The following OR7C1 variants were observed in gnomAD, a reference collection of about 807,000 sequenced individuals.
The protein encoded by OR7C1 is olfactory receptor 7C1.
For synonymous variants in OR7C1, 152 were observed against 160.7 expected (o/e 0.95, Z 0.41); for missense variants, 324 against 383.3 (o/e 0.85, Z 1.29).
chr19:14,832,402 C>T lies in OR7C1; in HGVS notation c.-623+2672G>A, dbSNP rs1274388859. Among the ~76,000 whole-genome samples, 21 of 138,750 alleles carry T rather than the reference C, an allele frequency of 1.5e-4. 1 individual carries two copies. The highest frequency in any genetic ancestry group is 4.4e-4 in the African/African-American group (17 of 38,822). 91.0% of individuals were successfully genotyped at this position (138,750 alleles called of 152,430 possible). The stretch of plus-strand genomic sequence containing the variant: ...CCTTCCCTCCCTCCCTCCCTTCCTT[C>T]CTTCTCTCTCTCTTTCTTTCTTTTT... On this transcript the variant is annotated intron_variant, in intron 1 of 4. Transcript: ENST00000641666.
At chr19:14,826,693 T>C (rs2044771028) in intron 1 of OR7C1, 1 of 152,246 alleles carries the variant, frequency 6.6e-6, no homozygotes, top group Non-Finnish European at 1.5e-5. Context: ...GGCATTGCAC[T>C]CGGAACATAT....
intron 1 of OR7C1, among the ~76,000 whole-genome samples, chr19:14,832,903 CAT>C (rs1260688987): frequency 6.6e-6 from 1 of 152,082 alleles, no homozygotes; most frequent in Admixed American, 6.6e-5. Context: ...ATCATATCAA[CAT>C]AAATTAATAA....
At chr19:14,833,889 C>T (rs995677059) in intron 1 of OR7C1, among the ~76,000 whole-genome samples, 2 of 152,112 alleles carry the variant, frequency 1.3e-5, no homozygotes, top group Non-Finnish European at 2.9e-5. Flanking sequence ...AGATGGCAAA[C>T]GGGTACTCTA....
intron 1 of OR7C1, among the ~76,000 whole-genome samples, chr19:14,817,868 A>G (rs2044722703): frequency 6.6e-6 from 1 of 152,100 alleles, no homozygotes; most frequent in Admixed American, 6.6e-5. Context: ...ATAGTCAAGG[A>G]GTTTTGCAGG....
chr19:14,823,189 A>C (rs1184469377), intron 1 of OR7C1, among the ~76,000 whole-genome samples: 5 of 152,180 alleles, frequency 3.3e-5, no homozygotes. Flanking sequence ...GCAGTGGTTC[A>C]TGCCTGTAAT....
intron 2 of OR7C1, among the ~76,000 whole-genome samples, chr19:14,808,632 T>A: frequency 1.8e-5 from 1 of 56,250 alleles, no homozygotes; most frequent in South Asian, 5.7e-4. Flanking sequence ...AGTGGGAGGG[T>A]GGGAGGGATG....
intron 2 of OR7C1, among the ~76,000 whole-genome samples, chr19:14,803,974 G>T (rs879299846): frequency 5.3e-5 from 8 of 152,074 alleles, no homozygotes; most frequent in African/African-American, 1.4e-4. Flanking sequence ...CTCCGAAAGT[G>T]CTGGGATTAC....
In OR7C1 at chr19:14,827,175, T is replaced by C. The variant is rs115261720; in HGVS notation, c.-623+7899A>G. The C allele has an allele frequency of 3.9e-3, 4,629 of 1,189,932 alleles. 145 individuals carry two copies. The African/African-American group carries it at 0.063, about 16-fold the overall frequency. The allele number at this position is 1,189,932 out of a possible 1,614,324, so 73.7% of individuals were successfully genotyped here. A position where few individuals can be genotyped will look rare whatever the true frequency, so the allele number is the denominator to read the frequency against. ...CAAGACCAGTTGAAATCACAACAAA[T>C]TGAAACTCCCAGAAATATAATAAGT... On this transcript the variant is annotated intron_variant, in intron 1 of 4. Coordinates refer to ENST00000641666, the Ensembl canonical transcript of OR7C1.
intron 2 of OR7C1, among the ~76,000 whole-genome samples, chr19:14,805,285 T>G (rs2044660888): frequency 6.6e-6 from 1 of 151,724 alleles, no homozygotes; most frequent in Non-Finnish European, 1.5e-5. Flanking sequence ...GGGAATGAGA[T>G]GCACATTGAT....
intron 1 of OR7C1, among the ~76,000 whole-genome samples, chr19:14,813,626 G>A (rs1331944483): frequency 6.6e-6 from 1 of 152,084 alleles, no homozygotes; most frequent in Non-Finnish European, 1.5e-5. Flanking sequence ...AGGTCCTTAT[G>A]ACTGGGGAGG....
intron 2 of OR7C1, among the ~76,000 whole-genome samples, 173 bp downstream of exon 2, chr19:14,809,633 G>T (rs1279168485): frequency 6.6e-6 from 1 of 151,948 alleles, no homozygotes; most frequent in East Asian, 1.9e-4. Context: ...GAGATTGGAA[G>T]CAAGAACAGA....
chr19:14,806,414 C>T (rs1268815912), intron 2 of OR7C1, among the ~76,000 whole-genome samples: 1 of 151,950 alleles, frequency 6.6e-6, no homozygotes, highest in Non-Finnish European at 1.5e-5. Flanking sequence ...GATACATGTA[C>T]AGGACATGCA....
intron 2 of OR7C1, among the ~76,000 whole-genome samples, chr19:14,808,044 TA>T (rs925956725): frequency 6.7e-6 from 1 of 150,068 alleles, no homozygotes; most frequent in Non-Finnish European, 1.5e-5. Flanking sequence ...AAATGCAAAT[TA>T]AAACCACGAT....
intron 1 of OR7C1, among the ~76,000 whole-genome samples, chr19:14,822,213 A>G (rs1568252045): frequency 6.6e-6 from 1 of 152,076 alleles, no homozygotes; most frequent in Non-Finnish European, 1.5e-5. Flanking sequence ...TCCTTTGGCT[A>G]TATATGCAGT....
exon 1 of OR7C1, chr19:14,835,166 A>G (rs2044872557): frequency 6.6e-6 from 1 of 152,244 alleles, no homozygotes; most frequent in South Asian, 2.1e-4. Context: ...TGCTCAGCAG[A>G]CTAGGCAGCA....
chr19:14,807,203 G>A (rs2044669778), intron 2 of OR7C1, among the ~76,000 whole-genome samples: 1 of 151,916 alleles, frequency 6.6e-6, no homozygotes, highest in South Asian at 2.1e-4. Context: ...GTCTGTTCAT[G>A]TAGGGATGGC....
intron 1 of OR7C1, among the ~76,000 whole-genome samples, chr19:14,816,089 T>C (rs991548305): frequency 2.0e-5 from 3 of 152,174 alleles, no homozygotes; most frequent in African/African-American, 7.2e-5. Flanking sequence ...CCTCCCAAAA[T>C]GTTGGGATTA....
intron 2 of OR7C1, among the ~76,000 whole-genome samples, chr19:14,805,301 G>C (rs561900250): frequency 6.6e-6 from 1 of 151,674 alleles, no homozygotes; most frequent in South Asian, 2.1e-4. Context: ...TTGATTCAAG[G>C]CTCATTGAGA....
chr19:14,820,271 T>C (rs1224423006), intron 1 of OR7C1, among the ~76,000 whole-genome samples: 1 of 152,182 alleles, frequency 6.6e-6, no homozygotes, highest in African/African-American at 2.4e-5. Flanking sequence ...TGAATCCACC[T>C]TATTTAACCA....
Sources: allele counts gnomAD v4.1 joint callset (sites outside exome capture counted in the v4.1 genomes callset), GRCh38; gene constraint gnomAD v4.1.1; transcripts MANE v1.5; gene names NCBI Gene and HGNC (gene_info 2026-07-23, HGNC 2026-07-21).